Variants in COL5A1 observed in about 807,000 individuals in gnomAD.
COL5A1 encodes collagen type V alpha 1 chain.
Under a neutral mutation model 263.7 loss-of-function variants are expected in COL5A1, and 16 were observed. The ratio of observed to expected loss-of-function variants is 0.06; its 90% CI spans 0.04 to 0.09. The LOEUF is 0.09. Among genes scored for constraint, COL5A1 ranks in the 10% least tolerant of loss-of-function variants. COL5A1 has a pLI of 1.00. For synonymous variants in COL5A1, 1,012 were observed against 1,004.5 expected (o/e 1.01, Z -0.14); for missense variants, 2,036 against 2,540.5 (o/e 0.80, Z 4.27).
chr9:134,832,537 G>C (rs1327572898), intron 64 of COL5A1, among the ~76,000 whole-genome samples: 1 of 152,224 alleles, frequency 6.6e-6, no homozygotes, highest in Non-Finnish European at 1.5e-5. Flanking sequence ...TGGGACCCTG[G>C]GGTTCCAATG....
chr9:134,817,763 TCTTG>T lies in COL5A1; in HGVS notation c.4177-11_4177-8del, dbSNP rs768815615. On this transcript the variant is annotated splice_polypyrimidine_tract_variant and intron_variant, in intron 53 of 65. Coordinates refer to ENST00000371817, the MANE Select transcript of COL5A1 (RefSeq NM_000093.5). ...AGGCCACACTCACCACCTGCTGTTC[TCTTG>T]CTTCTTTCAGGGTCCCCCAGGCCCC... 1.2e-6 allele frequency: 2 copies of T among 1,611,096 alleles called. No individual in the cohort carries two copies. Among genetic ancestry groups the T allele is most frequent in the Non-Finnish European group, 1.7e-6 (2 of 1,178,746 alleles).
intron 4 of COL5A1, among the ~76,000 whole-genome samples, chr9:134,712,089 T>TCCTTCCCC (rs1834070897): frequency 1.1e-5 from 1 of 95,152 alleles, no homozygotes; most frequent in African/African-American, 4.4e-5. Flanking sequence ...CTTCCTGCCT[T>TCCTTCCCC]CCTTCTTCCT....
rs574785372 is a variant in COL5A1, at chr9:134,696,914, CAAAAA to C, written c.278-2992_278-2988del. ...TGAAACCCCATCCCTACTAAAAATACAAAAAAATTAGCCAGGCTTGGTGGCGGGTG... is the reference window on the plus strand; with the variant it reads ...TGAAACCCCATCCCTACTAAAAATACAATTAGCCAGGCTTGGTGGCGGGTG... On this transcript the variant is annotated intron_variant, in intron 2 of 65. Transcript: ENST00000371817. The surrounding 1 kb of genome is among the most constrained non-coding windows in gnomAD (Gnocchi z 4.3). 2.0e-5 allele frequency among the ~76,000 whole-genome samples: 3 copies of C among 151,812 alleles called. No individual in the cohort carries two copies. Among genetic ancestry groups the C allele is most frequent in the Non-Finnish European group, 4.4e-5 (3 of 67,934 alleles).
At chr9:134,671,985 G>A (rs1337616693) in intron 1 of COL5A1, among the ~76,000 whole-genome samples, 3 of 152,158 alleles carry the variant, frequency 2.0e-5, no homozygotes, top group Admixed American at 6.5e-5. Context: ...CACTTGGTGT[G>A]GGGGGGCCCA....
chr9:134,780,175 C>G, intron 28 of COL5A1, 29 bp downstream of exon 28: 1 of 1,611,750 alleles, frequency 6.2e-7, no homozygotes, highest in South Asian at 1.1e-5. Flanking sequence ...CCACGGGGCC[C>G]CCTGCTTAGT....
intron 4 of COL5A1, among the ~76,000 whole-genome samples, chr9:134,719,369 GCCT>G (rs1338297906): frequency 6.6e-6 from 1 of 152,224 alleles, no homozygotes; most frequent in Non-Finnish European, 1.5e-5. Context: ...TACACATATG[GCCT>G]CCTGCACCCA....
At chr9:134,801,207 C>T (rs893850131) in intron 37 of COL5A1, among the ~76,000 whole-genome samples, 7 of 152,196 alleles carry the variant, frequency 4.6e-5, no homozygotes, top group African/African-American at 1.2e-4. Flanking sequence ...TCCAAGCTGC[C>T]GAGTTATGAA....
intron 2 of COL5A1, among the ~76,000 whole-genome samples, chr9:134,692,174 C>T (rs1177210067): frequency 2.0e-5 from 3 of 152,146 alleles, no homozygotes; most frequent in Admixed American, 1.3e-4. Flanking sequence ...TTCGAGGCAC[C>T]GAGTCTCTGC....
chr9:134,716,762 C>A lies in COL5A1; in HGVS notation c.655-10504C>A, dbSNP rs1373784371. Among the ~76,000 whole-genome samples the A allele has an allele frequency of 1.3e-5, 2 of 152,152 alleles. No homozygotes were observed. The highest frequency in any genetic ancestry group is 2.9e-5 in the Non-Finnish European group (2 of 68,034). ...ATCATGCCCCTTCTCTGCACCCATGCGGCCCACCCCCATGTTGGAGACACA... is the reference window on the plus strand; with the variant it reads ...ATCATGCCCCTTCTCTGCACCCATGAGGCCCACCCCCATGTTGGAGACACA... On this transcript the variant is annotated intron_variant, in intron 4 of 65. Transcript: ENST00000371817. This position sits in a 1 kb window ranked among gnomAD's most constrained non-coding sequence, Gnocchi z 4.5.
intron 29 of COL5A1, among the ~76,000 whole-genome samples, chr9:134,783,577 C>T (rs551376669): frequency 1.2e-4 from 19 of 152,260 alleles, no homozygotes; most frequent in South Asian, 8.3e-4. Flanking sequence ...CAGCTGTGCA[C>T]GCACCGGGAC....
At chr9:134,699,814 C>T in intron 2 of COL5A1, 95 bp from the exon 3 acceptor site, 4 of 1,249,704 alleles carry the variant, frequency 3.2e-6, no homozygotes, top group South Asian at 2.4e-5. Context: ...GCACAGCTTC[C>T]CAGGGTCCCG....
chr9:134,707,354 A>G (rs974916331), intron 4 of COL5A1, among the ~76,000 whole-genome samples: 3 of 152,198 alleles, frequency 2.0e-5, no homozygotes, highest in African/African-American at 7.2e-5. Flanking sequence ...ACGGTCCTCC[A>G]TCTGTCTGCC....
intron 61 of COL5A1, among the ~76,000 whole-genome samples, chr9:134,823,950 G>T (rs544329036): frequency 1.8e-4 from 28 of 152,200 alleles, no homozygotes; most frequent in African/African-American, 6.3e-4. Flanking sequence ...TATTGTATAC[G>T]TGCATGCATG....
intron 1 of COL5A1, among the ~76,000 whole-genome samples, chr9:134,671,609 G>A (rs1056406955): frequency 1.3e-5 from 2 of 152,210 alleles, no homozygotes; most frequent in African/African-American, 4.8e-5. Context: ...GGGCTCACCC[G>A]CAGCTCTAAA....
rs1835190207 is a variant in COL5A1, at chr9:134,738,654, A to G, written c.1432-92A>G. The stretch of plus-strand genomic sequence containing the variant: ...ATCCCCTGGGAGCCGGCGCTATCCC[A>G]CCCCCACCTCTGCCTTGGTTGGCCA... On this transcript the variant is annotated intron_variant, in intron 10 of 65. Transcript: ENST00000371817. 6.5e-6 allele frequency: 9 copies of G among 1,374,712 alleles called. No individual in the cohort carries two copies. In the South Asian group the frequency reaches 9.3e-5, roughly 14 times the overall value. 85.2% of individuals were successfully genotyped at this position (1,374,712 alleles called of 1,614,324 possible). A position where few individuals can be genotyped will look rare whatever the true frequency, so the allele number is the denominator to read the frequency against.
rs543336338 is a variant in COL5A1, at chr9:134,678,453, C to T, written c.110-12459C>T. Among the ~76,000 whole-genome samples, 31 of 152,336 alleles carry T rather than the reference C, an allele frequency of 2.0e-4. No homozygotes were observed. The highest frequency in any genetic ancestry group is 3.9e-4 in the Admixed American group (6 of 15,304). ...GGCTCATTGCAGTGGCCTGCCGCCC[C>T]GGTGTGTGTCCCTGACTCAGGGGTC... On this transcript the variant is annotated intron_variant, in intron 1 of 65. Coordinates refer to ENST00000371817, the MANE Select transcript of COL5A1 (RefSeq NM_000093.5). This position sits in a 1 kb window ranked among gnomAD's most constrained non-coding sequence, Gnocchi z 5.5.
chr9:134,737,573 G>A (rs968724622), intron 9 of COL5A1, among the ~76,000 whole-genome samples: 12 of 152,218 alleles, frequency 7.9e-5, no homozygotes, highest in South Asian at 4.1e-4. Context: ...CCCTGAAGTC[G>A]TCATGGAACA....
chr9:134,649,942 C>T (rs1831613305), intron 1 of COL5A1, among the ~76,000 whole-genome samples: 1 of 150,970 alleles, frequency 6.6e-6, no homozygotes, highest in Non-Finnish European at 1.5e-5. Flanking sequence ...AACAGAAAAC[C>T]ACAAACACCA....
chr9:134,668,617 A>G (rs1029451919), intron 1 of COL5A1, among the ~76,000 whole-genome samples: 11 of 151,902 alleles, frequency 7.2e-5, no homozygotes, highest in Admixed American at 1.3e-4. Context: ...CTACCCATAT[A>G]TCCATGTATA....
Sources: gnomAD v4.1 joint callset for allele counts (sites outside exome capture counted in the v4.1 genomes callset) on GRCh38, gnomAD v4.1.1 for gene constraint, Gnocchi (gnomAD v3.1) non-coding constraint, MANE v1.5 for transcripts, NCBI Gene and HGNC (gene_info 2026-07-23, HGNC 2026-07-21) for gene names.